The following KAZN variants were observed in gnomAD, a reference collection of about 807,000 sequenced individuals.
KAZN encodes the protein kazrin.
Under a neutral mutation model 87.4 loss-of-function variants are expected in KAZN, and 40 were observed. That is an observed-to-expected ratio of 0.46 (90% CI 0.36 to 0.60). The LOEUF (loss-of-function observed/expected upper bound fraction) is 0.60, where lower values mean the gene tolerates loss of function less well. Ranked by LOEUF, KAZN falls within the 20% of genes least tolerant of loss-of-function variation. The probability of loss-of-function intolerance (pLI) is 0.00; values close to 1 mark genes in which losing one functional copy is unlikely to be tolerated. For missense variants in KAZN, 898 were observed against 1,073.9 expected, an observed-to-expected ratio of 0.84 and a Z score of 2.29; for synonymous variants, 466 against 458.3, an observed-to-expected ratio of 1.02 and a Z score of -0.22.
At chr1:13,960,817 G>C (rs898187701) in intron 1 of KAZN, among the ~76,000 whole-genome samples, 4 of 152,156 alleles carry the variant, frequency 2.6e-5, no homozygotes, top group African/African-American at 9.7e-5. Flanking sequence ...GGAAAACCCT[G>C]GCCTCAGCTC....
intron 1 of KAZN, among the ~76,000 whole-genome samples, chr1:14,777,625 G>C (rs1645218719): frequency 6.6e-6 from 1 of 152,102 alleles, no homozygotes; most frequent in Non-Finnish European, 1.5e-5. Context: ...CAAGTACTTT[G>C]CAATTGCTCT....
intron 1 of KAZN, among the ~76,000 whole-genome samples, chr1:14,873,384 G>A (rs1289831458): frequency 1.3e-5 from 2 of 152,216 alleles, no homozygotes; most frequent in African/African-American, 4.8e-5. Context: ...AAAATAAAGT[G>A]GGGAAGAGGG....
intron 2 of KAZN, among the ~76,000 whole-genome samples, chr1:14,477,151 G>T (rs756264892): frequency 2.6e-5 from 4 of 152,074 alleles, no homozygotes; most frequent in Non-Finnish European, 5.9e-5. Context: ...AAATTATGGG[G>T]GTGGGCCTTT....
intron 1 of KAZN, among the ~76,000 whole-genome samples, chr1:14,824,787 G>C (rs976046014): frequency 2.6e-5 from 4 of 152,178 alleles, no homozygotes; most frequent in African/African-American, 7.2e-5. Flanking sequence ...GGTATTTGCA[G>C]CCTTCTTCTA....
intron 2 of KAZN, among the ~76,000 whole-genome samples, chr1:14,480,494 A>G (rs1669009525): frequency 6.6e-6 from 1 of 151,208 alleles, no homozygotes; most frequent in Non-Finnish European, 1.5e-5. Flanking sequence ...GAGAGTTCTA[A>G]AAGGCCTTTA....
chr1:14,797,206 G>A (rs766897400), intron 1 of KAZN, among the ~76,000 whole-genome samples: 63 of 152,058 alleles, frequency 4.1e-4, no homozygotes, highest in Non-Finnish European at 6.2e-4. Flanking sequence ...GCTTACAGGC[G>A]TGCACCACCA....
Position 15,081,651 on chromosome 1 carries a change from T to C in KAZN, c.1223-12529T>C, listed in dbSNP as rs1640009979. Among the ~76,000 whole-genome samples the C allele has an allele frequency of 6.6e-6, 1 of 151,998 alleles. No homozygotes were observed. Among genetic ancestry groups the C allele is most frequent in the Non-Finnish European group, 1.5e-5 (1 of 68,018 alleles). Reference sequence around the variant, plus strand: ...GGAAAGGAGTCCCTGAAATAATCAGTATTGAAACAGAGCCCTGAGCCTGTG... The same window carrying C: ...GGAAAGGAGTCCCTGAAATAATCAGCATTGAAACAGAGCCCTGAGCCTGTG... On this transcript the variant is annotated intron_variant, in intron 8 of 14. Coordinates refer to ENST00000376030, the MANE Select transcript of KAZN (RefSeq NM_201628.3). The surrounding 1 kb of genome is among the most constrained non-coding windows in gnomAD (Gnocchi z 4.1).
intron 2 of KAZN, among the ~76,000 whole-genome samples, chr1:14,199,036 G>T (rs504469): frequency 0.64 from 96,952 of 151,506 alleles, 31,229 homozygotes; most frequent in African/African-American, 0.71. Context: ...GGAAGCAGAT[G>T]TGACAGGTCG....
chr1:15,091,986 T>C (rs1318984664), intron 8 of KAZN, among the ~76,000 whole-genome samples: 1 of 152,048 alleles, frequency 6.6e-6, no homozygotes, highest in African/African-American at 2.4e-5. Context: ...AAGCATTTTT[T>C]TTTTACATTC....
At chr1:14,453,058 C>A (rs1454327885) in intron 2 of KAZN, among the ~76,000 whole-genome samples, 1 of 152,096 alleles carries the variant, frequency 6.6e-6, no homozygotes, top group Non-Finnish European at 1.5e-5. Context: ...CGGGTTTATG[C>A]CATTCTTCTG....
intron 2 of KAZN, among the ~76,000 whole-genome samples, chr1:14,345,114 T>A (rs113118530): frequency 1.7e-4 from 26 of 152,212 alleles, no homozygotes; most frequent in African/African-American, 6.3e-4. Flanking sequence ...AGATGGTGTT[T>A]ACCATGTTGG....
intron 1 of KAZN, among the ~76,000 whole-genome samples, chr1:14,789,523 C>A (rs985988520): frequency 1.3e-5 from 2 of 152,048 alleles, no homozygotes; most frequent in African/African-American, 4.8e-5. Context: ...TTCCATCTAT[C>A]GGGACACCCA....
At chr1:14,304,492 C>G in intron 2 of KAZN, 1 of 396,394 alleles carries the variant, frequency 2.5e-6, no homozygotes, top group Non-Finnish European at 4.4e-6. Context: ...CTTCAATGAG[C>G]AACTGGAATT....
chr1:14,962,547 CCTT>C (rs1340869334), intron 2 of KAZN, among the ~76,000 whole-genome samples: 9 of 152,194 alleles, frequency 5.9e-5, no homozygotes, highest in Non-Finnish European at 1.5e-5. Flanking sequence ...TATCCATTCT[CCTT>C]CTCAGGATGG....
intron 1 of KAZN, among the ~76,000 whole-genome samples, chr1:14,144,558 G>C (rs1382599837): frequency 1.3e-5 from 2 of 152,052 alleles, no homozygotes; most frequent in Non-Finnish European, 2.9e-5. Context: ...CAAAGTGCTG[G>C]GATTACAGGC....
At chr1:14,713,425 G>A (rs952539204) in intron 1 of KAZN, among the ~76,000 whole-genome samples, 3 of 152,122 alleles carry the variant, frequency 2.0e-5, no homozygotes, top group Non-Finnish European at 2.9e-5. Context: ...TGTCATTTAC[G>A]GAGCTGGCAC....
intron 2 of KAZN, among the ~76,000 whole-genome samples, chr1:14,290,764 G>A (rs574646828): frequency 6.6e-6 from 1 of 152,226 alleles, no homozygotes; most frequent in East Asian, 1.9e-4. Context: ...AGGCACTCTG[G>A]GTTTTAAAAT....
At chr1:13,924,049 C>T (rs990060720) in intron 1 of KAZN, among the ~76,000 whole-genome samples, 1 of 152,078 alleles carries the variant, frequency 6.6e-6, no homozygotes, top group Non-Finnish European at 1.5e-5. Context: ...TGGGGAAGAG[C>T]AGTGATTTGG....
intron 2 of KAZN, among the ~76,000 whole-genome samples, chr1:14,290,487 G>A (rs150136855): frequency 3.9e-4 from 60 of 152,198 alleles, no homozygotes; most frequent in African/African-American, 8.9e-4. Context: ...AAGCTTGTGC[G>A]TGCCTCATGT....
Sources: gnomAD v4.1 joint callset for allele counts (sites outside exome capture counted in the v4.1 genomes callset) on GRCh38, gnomAD v4.1.1 for gene constraint, Gnocchi (gnomAD v3.1) non-coding constraint, MANE v1.5 for transcripts, NCBI Gene and HGNC (gene_info 2026-07-23, HGNC 2026-07-21) for gene names.